The following COL4A6 variants were observed in gnomAD, a reference collection of about 807,000 sequenced individuals.
COL4A6 encodes collagen alpha-6(IV) chain.
Under a neutral mutation model 126.7 loss-of-function variants are expected in COL4A6, and 59 were observed. The observed-to-expected ratio is 0.47, with a 90% CI of 0.38 to 0.58. The LOEUF is 0.58. Among genes scored for constraint, COL4A6 ranks in the 20% least tolerant of loss-of-function variants. The pLI is 0.00. For synonymous variants in COL4A6, 547 were observed against 496.6 expected (o/e 1.10, Z -1.35); for missense variants, 1,285 against 1,337.3 (o/e 0.96, Z 0.61).
At chrX:108,283,145 A>G (rs911936813) in intron 3 of COL4A6, among the ~76,000 whole-genome samples, 1 of 109,722 alleles carries the variant, frequency 9.1e-6, no homozygotes, top group Non-Finnish European at 1.9e-5. Flanking sequence ...CTTAAAGTAT[A>G]ATAATAATAA....
At chrX:108,425,733 A>AACACAC (rs752707988) in intron 2 of COL4A6, among the ~76,000 whole-genome samples, 28 of 90,587 alleles carry the variant, frequency 3.1e-4, no homozygotes, top group East Asian at 7.2e-4. Context: ...CACACACACA[A>AACACAC]ACACACACAC....
At chrX:108,299,837 G>A (rs2038438808) in intron 3 of COL4A6, among the ~76,000 whole-genome samples, 1 of 111,897 alleles carries the variant, frequency 8.9e-6, no homozygotes, top group Non-Finnish European at 1.9e-5. Flanking sequence ...AGCCTGCCAT[G>A]GTCACAGCCA....
chrX:108,292,224 A>T (rs576045596), intron 3 of COL4A6, among the ~76,000 whole-genome samples: 15 of 112,300 alleles, frequency 1.3e-4, no homozygotes, highest in East Asian at 8.4e-4. Context: ...AAAAGTAGGC[A>T]CCACTTATAC....
intron 2 of COL4A6, among the ~76,000 whole-genome samples, chrX:108,343,165 AGTGTGTGTGT>A (rs55685604): frequency 2.2e-4 from 7 of 31,418 alleles, no homozygotes; most frequent in East Asian, 2.6e-3. Flanking sequence ...ATATATATAT[AGTGTGTGTGT>A]GTGTGTGTGT....
intron 2 of COL4A6, among the ~76,000 whole-genome samples, chrX:108,348,023 A>G (rs1319393443): frequency 9.0e-6 from 1 of 111,384 alleles, no homozygotes; most frequent in African/African-American, 3.3e-5. Flanking sequence ...TCTGAGCTCT[A>G]GGATGACCTC....
At chrX:108,163,760 T>C (rs2034036439) in intron 40 of COL4A6, among the ~76,000 whole-genome samples, 1 of 112,330 alleles carries the variant, frequency 8.9e-6, no homozygotes, top group South Asian at 3.7e-4. Context: ...TAGAGAATGA[T>C]CAGTGGCCTT....
intron 8 of COL4A6, among the ~76,000 whole-genome samples, chrX:108,207,134 C>T (rs1478978629): frequency 8.9e-6 from 1 of 111,787 alleles, no homozygotes; most frequent in Non-Finnish European, 1.9e-5. Context: ...GAACTGCAAA[C>T]AAATATTGAA....
At chrX:108,195,965 C>G (rs1405997934) in intron 14 of COL4A6, among the ~76,000 whole-genome samples, 2 of 111,875 alleles carry the variant, frequency 1.8e-5, no homozygotes, top group African/African-American at 6.5e-5. Context: ...GCTTCTAGCT[C>G]AAGACCTAAG....
At chrX:108,238,928 C>T (rs1399547233) in intron 3 of COL4A6, among the ~76,000 whole-genome samples, 1 of 112,049 alleles carries the variant, frequency 8.9e-6, no homozygotes, top group Non-Finnish European at 1.9e-5. Flanking sequence ...TTAATTTGCA[C>T]GTCTCTGAAT....
chrX:108,377,268 T>C (rs929744183), intron 2 of COL4A6, among the ~76,000 whole-genome samples: 4 of 112,343 alleles, frequency 3.6e-5, no homozygotes, highest in African/African-American at 6.5e-5. Flanking sequence ...AAGGCGGTTT[T>C]CCCCTATCTC....
intron 2 of COL4A6, among the ~76,000 whole-genome samples, chrX:108,335,633 A>C (rs766168863): frequency 9.0e-6 from 1 of 111,595 alleles, no homozygotes; most frequent in East Asian, 2.8e-4. Flanking sequence ...ACATATATAT[A>C]CACATACATA....
chrX:108,429,709 T>C (rs1336366003), intron 2 of COL4A6, among the ~76,000 whole-genome samples: 1 of 111,496 alleles, frequency 9.0e-6, no homozygotes, highest in Non-Finnish European at 1.9e-5. Context: ...AAATTAAATC[T>C]CAGAAAGGTA....
chrX:108,417,812 C>T (rs771907107), intron 2 of COL4A6, among the ~76,000 whole-genome samples: 1 of 111,868 alleles, frequency 8.9e-6, no homozygotes, highest in South Asian at 3.7e-4. Context: ...CTACATTCTT[C>T]CCTTAGAGTG....
intron 8 of COL4A6, among the ~76,000 whole-genome samples, chrX:108,207,283 T>A (rs1277324305): frequency 2.2e-5 from 2 of 91,286 alleles, no homozygotes; most frequent in Non-Finnish European, 4.1e-5. Flanking sequence ...ACAATGAGAA[T>A]GCATGGACAC....
chrX:108,398,904 A>T (rs1007644456), intron 2 of COL4A6, among the ~76,000 whole-genome samples: 1 of 111,838 alleles, frequency 8.9e-6, no homozygotes, highest in Non-Finnish European at 1.9e-5. Context: ...AGGGAAAGAC[A>T]AAAGAGAAAA....
chrX:108,162,973 C>T lies in COL4A6; in HGVS notation c.4135G>A (p.Gly1379Arg). The T allele has an allele frequency of 8.3e-7, 1 of 1,201,641 alleles. No individual in the cohort carries two copies. Among genetic ancestry groups the T allele is most frequent in the East Asian group, 3.0e-5 (1 of 32,806 alleles). ...PTAEAVQVPP[G>R]PLGLPGIDGI... ...TCGATCCCTGGTAGACCCAAGGGTC[C>T]AGGAGGAACCTGGACAGCTTCTGCA... The change falls in exon 41 of 45, where the codon GGA becomes AGA. Residue 1379 changes from glycine (G) to arginine (R), a missense_variant. Coordinates refer to ENST00000334504, the MANE Select transcript of COL4A6 (RefSeq NM_033641.4).
intron 2 of COL4A6, among the ~76,000 whole-genome samples, chrX:108,363,830 T>C (rs1439155246): frequency 1.8e-5 from 2 of 111,863 alleles, no homozygotes; most frequent in Non-Finnish European, 1.9e-5. Flanking sequence ...AATTAAGTTA[T>C]GCATAGTTAG....
intron 2 of COL4A6, among the ~76,000 whole-genome samples, chrX:108,329,577 A>C (rs974489946): frequency 9.0e-6 from 1 of 111,302 alleles, no homozygotes; most frequent in Non-Finnish European, 1.9e-5. Flanking sequence ...ACTTACTTTT[A>C]AGAGATACTT....
At chrX:108,382,571 C>T (rs1370426270) in intron 2 of COL4A6, among the ~76,000 whole-genome samples, 1 of 110,848 alleles carries the variant, frequency 9.0e-6, no homozygotes, top group Non-Finnish European at 1.9e-5. Flanking sequence ...ATCCCTAGAA[C>T]AATCACTACA....
Sources: allele counts gnomAD v4.1 joint callset (sites outside exome capture counted in the v4.1 genomes callset), GRCh38; gene constraint gnomAD v4.1.1; transcripts MANE v1.5; gene names NCBI Gene and HGNC (gene_info 2026-07-23, HGNC 2026-07-21).